Variants in PIK3R3 observed in about 807,000 individuals in gnomAD.
PIK3R3 encodes the protein phosphoinositide-3-kinase regulatory subunit 3, also known as phosphatidylinositol 3-kinase regulatory subunit gamma.
PIK3R3 carries 64 observed loss-of-function variants against 62.9 expected under a neutral mutation model. The ratio of observed to expected loss-of-function variants is 1.02; its 90% CI spans 0.83 to 1.25. The LOEUF (loss-of-function observed/expected upper bound fraction) is 1.25. Ranked by LOEUF, PIK3R3 falls within the 50% of genes most tolerant of loss-of-function variation. PIK3R3 has a pLI of 0.00. For missense variants in PIK3R3, 614 were observed against 561.6 expected (o/e 1.09, Z -0.94); for synonymous variants, 165 against 189.0 (o/e 0.87, Z 1.04).
chr1:46,064,239 A>C (rs1326549745), intron 5 of PIK3R3, among the ~76,000 whole-genome samples: 2 of 150,812 alleles, frequency 1.3e-5, no homozygotes, highest in Non-Finnish European at 3.0e-5. Flanking sequence ...AAAATAAAAA[A>C]TAAAAATAAA....
At chr1:46,104,533 C>T (rs1653002393) in intron 1 of PIK3R3, among the ~76,000 whole-genome samples, 1 of 152,086 alleles carries the variant, frequency 6.6e-6, no homozygotes, top group Non-Finnish European at 1.5e-5. Context: ...TTAAATGAAA[C>T]ATCTACAAAC....
chr1:46,094,013 G>A (rs1270684715), intron 1 of PIK3R3, among the ~76,000 whole-genome samples: 1 of 151,788 alleles, frequency 6.6e-6, no homozygotes, highest in South Asian at 2.1e-4. Context: ...AGGCTACAGT[G>A]AGCCAAGATT....
intron 1 of PIK3R3, among the ~76,000 whole-genome samples, chr1:46,083,333 T>C (rs1429611058): frequency 2.0e-5 from 3 of 152,172 alleles, no homozygotes; most frequent in African/African-American, 7.2e-5. Context: ...TTTGTGACTT[T>C]AGATTAGGTA....
At chr1:46,086,095 TTTAA>T (rs1651027147) in intron 1 of PIK3R3, among the ~76,000 whole-genome samples, 1 of 152,186 alleles carries the variant, frequency 6.6e-6, no homozygotes, top group Non-Finnish European at 1.5e-5. Context: ...TCAATTCCGT[TTTAA>T]TTAATATGTA....
At position 46,077,531 on chromosome 1, in the gene PIK3R3, A is replaced by C. The variant is rs1029873295; in HGVS notation, c.298T>G (p.Tyr100Asp). 1 of 1,607,040 alleles carries C rather than the reference A, an allele frequency of 6.2e-7. No homozygotes were observed. Among genetic ancestry groups the C allele is most frequent in the Non-Finnish European group, 8.5e-7 (1 of 1,173,638 alleles). Residue 100 changes from tyrosine to aspartate, a missense_variant, in exon 3 of 10, where the codon TAT becomes GAT. Coordinates refer to ENST00000262741, the MANE Select transcript of PIK3R3 (RefSeq NM_003629.4). ...RDASTKMQGDYTLTLRKGGNN... is the reference protein window; with the variant it reads ...RDASTKMQGDDTLTLRKGGNN... ...AGTACTTACCGCAAAGTCAAAGTAT[A>C]ATCTCCCTGCATTTTTGTTGAGGCA...
Position 46,132,509 on chromosome 1 carries a change from A to C in PIK3R3, c.-557T>G. 1 of 1,228,890 alleles carries C rather than the reference A, an allele frequency of 8.1e-7. No individual in the cohort carries two copies. The allele number at this position is 1,228,890 out of a possible 1,614,324, so 76.1% of individuals were successfully genotyped here. A position where few individuals can be genotyped will look rare whatever the true frequency, so the allele number is the denominator to read the frequency against. ...CCTCTCCGGTCGGTCTCGGAACCGA[A>C]GCTGCCGCAGCCTCGGGAATGGGGC... On this transcript the variant is annotated 5_prime_UTR_variant, in exon 1 of 10. Transcript: ENST00000262741.
At chr1:46,072,850 G>A (rs1006094441) in intron 3 of PIK3R3, among the ~76,000 whole-genome samples, 1 of 152,004 alleles carries the variant, frequency 6.6e-6, no homozygotes, top group Non-Finnish European at 1.5e-5. Context: ...TCAGCCACTC[G>A]GGAGGCTGAG....
chr1:46,110,867 T>C (rs1653681366), intron 1 of PIK3R3, among the ~76,000 whole-genome samples: 1 of 117,666 alleles, frequency 8.5e-6, no homozygotes, highest in Non-Finnish European at 1.8e-5. Flanking sequence ...ACAGAAAAAG[T>C]TGGTTTTTTT....
rs1357786582 is a variant in PIK3R3, at chr1:46,045,616, G to GTTTTTTTT, written c.1187+301_1187+302insAAAAAAAA. On this transcript the variant is annotated intron_variant, in intron 9 of 9. Transcript: ENST00000262741. The stretch of plus-strand genomic sequence containing the variant: ...ATAGGATACTACTAAACAATTAAGT[G>GTTTTTTTT]CTTTTTTTTTTTTTTTTTTTTTTTT... 3.2e-3 allele frequency among the ~76,000 whole-genome samples: 53 copies of GTTTTTTTT among 16,522 alleles called. 2 individuals carry two copies. The highest frequency in any genetic ancestry group is 5.3e-3 in the Admixed American group (8 of 1,504). 10.8% of individuals were successfully genotyped at this position (16,522 alleles called of 152,430 possible). A position where few individuals can be genotyped will look rare whatever the true frequency, so the allele number is the denominator to read the frequency against.
At chr1:46,124,778 A>G (rs2149472415) in intron 1 of PIK3R3, among the ~76,000 whole-genome samples, 1 of 138,862 alleles carries the variant, frequency 7.2e-6, no homozygotes, top group South Asian at 2.4e-4. Context: ...CCTGGGCAAT[A>G]AGGGTGAAAC....
chr1:46,101,446 A>C (rs557964953), intron 1 of PIK3R3, among the ~76,000 whole-genome samples: 1 of 152,290 alleles, frequency 6.6e-6, no homozygotes, highest in South Asian at 2.1e-4. Flanking sequence ...CGGAGGTTGC[A>C]GTGAGCCCAG....
At chr1:46,131,682 T>C (rs762336533) in intron 1 of PIK3R3, 165 bp downstream of exon 1, 1 of 508,866 alleles carries the variant, frequency 2.0e-6, no homozygotes, top group South Asian at 1.4e-5. Context: ...ACTGCAAACT[T>C]TAAACGTGTA....
At chr1:46,122,796 T>C (rs1557633348) in intron 1 of PIK3R3, among the ~76,000 whole-genome samples, 1 of 152,214 alleles carries the variant, frequency 6.6e-6, no homozygotes, top group Non-Finnish European at 1.5e-5. Flanking sequence ...CAGCCAATTA[T>C]CTTCATAAGT....
chr1:46,077,548 G>A lies in PIK3R3; in HGVS notation c.281C>T (p.Thr94Ile), dbSNP rs771189447. 6 of 1,611,836 alleles carry A rather than the reference G, an allele frequency of 3.7e-6. No individual in the cohort carries two copies. Among genetic ancestry groups the A allele is most frequent in the Non-Finnish European group, 5.1e-6 (6 of 1,178,164 alleles). Residue 94 changes from threonine (T) to isoleucine (I), a missense_variant, in exon 3 of 10, where the codon ACA becomes ATA. Transcript: ENST00000262741. ...DGTFLVRDAS[T>I]KMQGDYTLTL... ...CAAAGTATAATCTCCCTGCATTTTTGTTGAGGCATCTCGGACCAAGAAGGT... is the reference window on the plus strand; with the variant it reads ...CAAAGTATAATCTCCCTGCATTTTTATTGAGGCATCTCGGACCAAGAAGGT...
At chr1:46,085,873 C>T (rs912787741) in intron 1 of PIK3R3, among the ~76,000 whole-genome samples, 1 of 152,100 alleles carries the variant, frequency 6.6e-6, no homozygotes, top group African/African-American at 2.4e-5. Flanking sequence ...AAATATTTCT[C>T]TTTCCATTTT....
At chr1:46,171,127 C>G in the PIK3R3 span, among the ~76,000 whole-genome samples, 2 of 152,176 alleles carry the variant, frequency 1.3e-5, no homozygotes, top group Admixed American at 6.5e-5. Flanking sequence ...GCTCCAGGCT[C>G]TCTTCTCTGG....
intron 9 of PIK3R3, among the ~76,000 whole-genome samples, chr1:46,045,190 G>C (rs1647077618): frequency 6.6e-6 from 1 of 152,114 alleles, no homozygotes; most frequent in South Asian, 2.1e-4. Flanking sequence ...AAGGAAACTG[G>C]GCAAAGAAAG....
chr1:46,155,202 T>TCCC, the PIK3R3 span, among the ~76,000 whole-genome samples: 2 of 151,954 alleles, frequency 1.3e-5, no homozygotes, highest in Non-Finnish European at 2.9e-5. Flanking sequence ...GCACCTGTGG[T>TCCC]CCCGCCTACT....
At position 46,044,603 on chromosome 1, in the gene PIK3R3, T is replaced by C. The variant is rs571983643; in HGVS notation, c.1188-732A>G. The stretch of plus-strand genomic sequence containing the variant: ...AGAAATGAAATGTTGCAAGTAGTTC[T>C]ATCCTTGGATAACAGTAATCCAATG... On this transcript the variant is annotated intron_variant, in intron 9 of 9. Coordinates refer to ENST00000262741, the MANE Select transcript of PIK3R3 (RefSeq NM_003629.4). The surrounding 1 kb of genome is among the most constrained non-coding windows in gnomAD (Gnocchi z 4.2). 2.6e-5 allele frequency among the ~76,000 whole-genome samples: 4 copies of C among 152,350 alleles called. No homozygotes were observed. In the South Asian group the frequency reaches 8.3e-4, roughly 32 times the overall value.
Sources: allele counts gnomAD v4.1 joint callset (sites outside exome capture counted in the v4.1 genomes callset), GRCh38; gene constraint gnomAD v4.1.1; non-coding constraint Gnocchi (gnomAD v3.1); transcripts MANE v1.5; gene names NCBI Gene and HGNC (gene_info 2026-07-23, HGNC 2026-07-21).